GTF3C1: variants seen among roughly 807,000 people sequenced by gnomAD.
GTF3C1 encodes the protein general transcription factor 3C polypeptide 1.
GTF3C1 carries 57 observed loss-of-function variants against 226.7 expected under a neutral mutation model. The ratio of observed to expected loss-of-function variants is 0.25; its 90% CI spans 0.20 to 0.31. The LOEUF is 0.31. Among genes scored for constraint, GTF3C1 ranks in the 10% least tolerant of loss-of-function variants. The pLI is 1.00. For missense variants in GTF3C1, 2,217 were observed against 2,776.1 expected (o/e 0.80, Z 4.53); for synonymous variants, 1,090 against 1,084.8 (o/e 1.00, Z -0.09).
At position 27,495,324 on chromosome 16, in the gene GTF3C1, C is replaced by T. The variant is rs1596633155; in HGVS notation, c.2519G>A (p.Gly840Asp). The change falls in exon 15 of 37, where the codon GGC (glycine) becomes GAC (aspartate). Residue 840 changes from glycine to aspartate, a missense_variant. Physicochemically the swap from Gly to Asp is moderately conservative, Grantham distance 94. Coordinates refer to ENST00000356183, the MANE Select transcript of GTF3C1 (RefSeq NM_001520.4). ...RTIKQESGRA[G>D]VRPSSSGSAW... ...ACTTCCAGAGGAGGACGGCCGGACG[C>T]CTGCCCTGCCTGACTCCTGCTTTAT... The T allele has an allele frequency of 6.2e-7, 1 of 1,613,826 alleles. No individual in the cohort carries two copies. Among genetic ancestry groups the T allele is most frequent in the Non-Finnish European group, 8.5e-7 (1 of 1,179,742 alleles).
Position 27,492,864 on chromosome 16 carries a change from G to A in GTF3C1, c.2877-151C>T, listed in dbSNP as rs2088254216. 5.1e-5 allele frequency: 32 copies of A among 631,844 alleles called. No homozygotes were observed. The South Asian group carries it at 5.5e-4, about 11-fold the overall frequency. 39.1% of individuals were successfully genotyped at this position (631,844 alleles called of 1,614,324 possible). Reference sequence around the variant, plus strand: ...CAGCCTCAAGCCCACACTGCACTAAGGCCCAGAACTACCCAACCTAACACC... The same window carrying A: ...CAGCCTCAAGCCCACACTGCACTAAAGCCCAGAACTACCCAACCTAACACC... On this transcript the variant is annotated intron_variant, in intron 17 of 36. Transcript: ENST00000356183. The surrounding 1 kb of genome is among the most constrained non-coding windows in gnomAD (Gnocchi z 5.0).
intron 7 of GTF3C1, among the ~76,000 whole-genome samples, chr16:27,509,128 ACACTGACTACTG>A (rs1429753159): frequency 1.3e-5 from 2 of 152,228 alleles, no homozygotes; most frequent in South Asian, 4.1e-4. Flanking sequence ...GGCATTGTGG[ACACTGACTACTG>A]CACTGTCCCA....
In GTF3C1 at chr16:27,461,687, G is replaced by A. The variant is rs1476485333; in HGVS notation, c.6118-125C>T. On this transcript the variant is annotated intron_variant, in intron 36 of 36. Coordinates refer to ENST00000356183, the MANE Select transcript of GTF3C1 (RefSeq NM_001520.4). The surrounding 1 kb of genome is among the most constrained non-coding windows in gnomAD (Gnocchi z 5.3). The stretch of plus-strand genomic sequence containing the variant: ...CCACTTCCCAGAGCAGGGGGCACCT[G>A]AACTGGGCATGAGGCAGATGGGGAT... The A allele has an allele frequency of 1.3e-5, 9 of 706,140 alleles. No homozygotes were observed. The highest frequency in any genetic ancestry group is 1.9e-5 in the Non-Finnish European group (8 of 412,224). The allele number at this position is 706,140 out of a possible 1,614,324, so 43.7% of individuals were successfully genotyped here. A position where few individuals can be genotyped will look rare whatever the true frequency, so the allele number is the denominator to read the frequency against.
Position 27,462,517 on chromosome 16 carries a change from G to C in GTF3C1, c.5925-31C>G. ...GGGAGAGGGCTTGACATCAGGGCTT[G>C]GTGGGGGCAGGAGGGCAGCTCGTCC... On this transcript the variant is annotated intron_variant, in intron 35 of 36. Transcript: ENST00000356183. The surrounding 1 kb of genome is among the most constrained non-coding windows in gnomAD (Gnocchi z 4.5). 6.4e-7 allele frequency: 1 copy of C among 1,565,754 alleles called. No homozygotes were observed. The highest frequency in any genetic ancestry group is 1.7e-4 in the Middle Eastern group (1 of 5,956).
chr16:27,512,903 G>C (rs1205591234), intron 6 of GTF3C1, among the ~76,000 whole-genome samples: 7 of 152,180 alleles, frequency 4.6e-5, no homozygotes, highest in Admixed American at 2.6e-4. Context: ...CTCAGTCACG[G>C]TCATAGGTCT....
At chr16:27,521,655 CCT>C (rs577977246) in intron 6 of GTF3C1, among the ~76,000 whole-genome samples, 5 of 152,262 alleles carry the variant, frequency 3.3e-5, no homozygotes, top group Admixed American at 6.5e-5. Flanking sequence ...GGCTCTTACC[CCT>C]GTTTTAAGTT....
At chr16:27,520,030 C>T (rs1473351172) in intron 6 of GTF3C1, among the ~76,000 whole-genome samples, 1 of 152,202 alleles carries the variant, frequency 6.6e-6, no homozygotes, top group East Asian at 1.9e-4. Flanking sequence ...GGGAGGATTG[C>T]TCAGCCTGCG....
intron 2 of GTF3C1, 129 bp downstream of exon 2, chr16:27,545,185 C>T: frequency 1.4e-6 from 1 of 714,220 alleles, no homozygotes; most frequent in Non-Finnish European, 2.5e-6. Flanking sequence ...CCATGTTGGC[C>T]AGGCTGGTCT....
rs1278522156 is a variant in GTF3C1 at position 27,494,711 on chromosome 16, C to G, written c.2778+52G>C. On this transcript the variant is annotated intron_variant, in intron 16 of 36. Coordinates refer to ENST00000356183, the MANE Select transcript of GTF3C1 (RefSeq NM_001520.4). ...CTTGCCCAGGTGAGTGTAGGCCCTCCAGCCCAGAGCTGAGGGGCAATTCCT... is the reference window on the plus strand; with the variant it reads ...CTTGCCCAGGTGAGTGTAGGCCCTCGAGCCCAGAGCTGAGGGGCAATTCCT... 6 of 1,447,664 alleles carry G rather than the reference C, an allele frequency of 4.1e-6. No individual in the cohort carries two copies. In the Admixed American group the frequency reaches 1.0e-4, roughly 24 times the overall value. 89.7% of individuals were successfully genotyped at this position (1,447,664 alleles called of 1,614,324 possible). A position where few individuals can be genotyped will look rare whatever the true frequency, so the allele number is the denominator to read the frequency against.
In GTF3C1 at chr16:27,507,548, A is replaced by G. The variant is rs769509803; in HGVS notation, c.1243-392T>C. Among the ~76,000 whole-genome samples, 1 of 152,234 alleles carries G rather than the reference A, an allele frequency of 6.6e-6. No individual in the cohort carries two copies. Among genetic ancestry groups the G allele is most frequent in the Admixed American group, 6.5e-5 (1 of 15,288 alleles). ...AGTTAGACTGTGGAACGCAAGCTCC[A>G]CTTAGCCACTGCCATGAGGATTTGT... On this transcript the variant is annotated intron_variant, in intron 8 of 36. Coordinates refer to ENST00000356183, the MANE Select transcript of GTF3C1 (RefSeq NM_001520.4). The surrounding 1 kb of genome is among the most constrained non-coding windows in gnomAD (Gnocchi z 4.9).
chr16:27,481,248 G>C (rs1283881608), intron 26 of GTF3C1, 57 bp from the exon 27 acceptor site: 1 of 1,436,034 alleles, frequency 7.0e-7, no homozygotes, highest in Non-Finnish European at 9.8e-7. Context: ...GGGAGGTTTT[G>C]CTAAGATGCA....
intron 6 of GTF3C1, among the ~76,000 whole-genome samples, chr16:27,521,533 C>T (rs368557542): frequency 4.6e-5 from 7 of 152,358 alleles, no homozygotes; most frequent in Admixed American, 3.3e-4. Flanking sequence ...GGGAGATCAG[C>T]GGGGAAGAGG....
intron 16 of GTF3C1, among the ~76,000 whole-genome samples, chr16:27,494,525 C>A (rs912104428): frequency 6.6e-6 from 1 of 152,126 alleles, no homozygotes; most frequent in African/African-American, 2.4e-5. Context: ...AGTATTTACC[C>A]GCCAACCACC....
intron 10 of GTF3C1, among the ~76,000 whole-genome samples, chr16:27,503,298 A>G (rs1269168967): frequency 6.6e-6 from 1 of 152,208 alleles, no homozygotes; most frequent in African/African-American, 2.4e-5. Flanking sequence ...CGTTCCCTCA[A>G]TTCCCCCTTG....
Position 27,465,504 on chromosome 16 carries a change from CAGG to C in GTF3C1, c.5108_5110del (p.Ser1703del), listed in dbSNP as rs755677632. Reference sequence around the variant, plus strand: ...CAGCTTGGTGAACGTATCAGGGAGGCAGGAGGTTCCCATTGTTAGCTCTTCCAG... The same window carrying C: ...CAGCTTGGTGAACGTATCAGGGAGGCAGGTTCCCATTGTTAGCTCTTCCAG... On this transcript the variant is annotated inframe_deletion, in exon 33 of 37. Transcript: ENST00000356183. 6.2e-7 allele frequency: 1 copy of C among 1,602,590 alleles called. No individual in the cohort carries two copies. The highest frequency in any genetic ancestry group is 2.2e-5 in the East Asian group (1 of 44,868).
intron 6 of GTF3C1, among the ~76,000 whole-genome samples, chr16:27,524,645 C>T (rs910960077): frequency 1.2e-4 from 19 of 152,302 alleles, no homozygotes; most frequent in African/African-American, 4.3e-4. Flanking sequence ...TTTCCAGGGA[C>T]CTTAGGCTAG....
intron 32 of GTF3C1, among the ~76,000 whole-genome samples, chr16:27,468,887 A>T (rs933057670): frequency 6.6e-6 from 1 of 152,210 alleles, no homozygotes; most frequent in African/African-American, 2.4e-5. Context: ...GATAATACCT[A>T]AAAGTTTCCT....
Position 27,508,526 on chromosome 16 carries a change from G to A in GTF3C1, c.1242+14C>T. The A allele has an allele frequency of 6.4e-7, 1 of 1,570,230 alleles. No homozygotes were observed. The highest frequency in any genetic ancestry group is 8.8e-7 in the Non-Finnish European group (1 of 1,139,998). On this transcript the variant is annotated intron_variant, in intron 8 of 36. Transcript: ENST00000356183. ...CAAAGACAACGAGTGTTGGGGGAAG[G>A]CTCATGATGTTACCTTGACAACTTT...
rs2087760209 is a variant in GTF3C1 at position 27,464,816 on chromosome 16, C to T, written c.5376G>A (p.Gln1792=). Residue 1792 remains glutamine, a synonymous_variant, in exon 34 of 37, where the codon CAG becomes CAA. Coordinates refer to ENST00000356183, the MANE Select transcript of GTF3C1 (RefSeq NM_001520.4). The stretch of plus-strand genomic sequence containing the variant: ...CAGTGTTGCCACCGACCTCCAGCAC[C>T]TGATGCTGCTCCAGGAGGGCCTGGG... ...DCIQALLEQH[Q]VLEVGGNTAR... The T allele has an allele frequency of 2.0e-6, 3 of 1,517,568 alleles. No individual in the cohort carries two copies. The highest frequency in any genetic ancestry group is 2.6e-6 in the Non-Finnish European group (3 of 1,142,618). The allele number at this position is 1,517,568 out of a possible 1,614,324, so 94.0% of individuals were successfully genotyped here.
Sources: allele counts gnomAD v4.1 joint callset (sites outside exome capture counted in the v4.1 genomes callset), GRCh38; gene constraint gnomAD v4.1.1; non-coding constraint Gnocchi (gnomAD v3.1); transcripts MANE v1.5; gene names NCBI Gene and HGNC (gene_info 2026-07-23, HGNC 2026-07-21).